PKHD1: variants seen among roughly 807,000 people sequenced by gnomAD.
PKHD1 encodes the protein fibrocystin.
PKHD1 carries 291 observed loss-of-function variants against 412.0 expected under a neutral mutation model. The ratio of observed to expected loss-of-function variants is 0.71; its 90% confidence interval spans 0.64 to 0.78. The LOEUF is 0.78. PKHD1 is among the 30% of genes least tolerant of loss of function. The probability of loss-of-function intolerance (pLI) is 0.00; values close to 1 mark genes in which losing one functional copy is unlikely to be tolerated. For missense variants in PKHD1, 4,825 were observed against 4,950.7 expected (o/e 0.97, Z 0.76); for synonymous variants, 1,777 against 1,821.5 (o/e 0.98, Z 0.62).
At chr6:51,704,658 G>T (rs1446044527) in intron 60 of PKHD1, among the ~76,000 whole-genome samples, 2 of 152,076 alleles carry the variant, frequency 1.3e-5, no homozygotes, top group Non-Finnish European at 2.9e-5. Flanking sequence ...AGTCAAGGGT[G>T]ACTACTAATT....
At chr6:51,823,557 T>A (rs1745283095) in intron 52 of PKHD1, among the ~76,000 whole-genome samples, 1 of 152,110 alleles carries the variant, frequency 6.6e-6, no homozygotes, top group Admixed American at 6.6e-5. Flanking sequence ...GAGTAGACCC[T>A]AAGTGAGTTC....
chr6:51,720,747 GTA>G (rs201140536), intron 60 of PKHD1: 3,386 of 119,306 alleles, frequency 0.028, 111 homozygotes, highest in African/African-American at 0.096. Context: ...GTGTGTGTAT[GTA>G]TATGTGTGTG....
chr6:51,849,806 TG>T (rs1176443491), intron 49 of PKHD1, among the ~76,000 whole-genome samples: 1 of 152,240 alleles, frequency 6.6e-6, no homozygotes, highest in Non-Finnish European at 1.5e-5. Flanking sequence ...TTCTGTCAGA[TG>T]GGTAGATTGC....
chr6:51,827,829 C>T (rs943150215), intron 52 of PKHD1, among the ~76,000 whole-genome samples: 2 of 152,054 alleles, frequency 1.3e-5, no homozygotes, highest in African/African-American at 4.8e-5. Context: ...TAAATATTTG[C>T]TAAACTGAAC....
chr6:51,887,275 G>C, intron 43 of PKHD1, 30 bp from the exon 44 acceptor site: 1 of 1,337,146 alleles, frequency 7.5e-7, no homozygotes, highest in Non-Finnish European at 1.1e-6. Context: ...TTAAAAAATA[G>C]TTACCCCATG....
chr6:51,894,768 T>G (rs1190986825), intron 43 of PKHD1, among the ~76,000 whole-genome samples: 2 of 152,212 alleles, frequency 1.3e-5, no homozygotes, highest in African/African-American at 2.4e-5. Context: ...CAAGTCTAAA[T>G]AAATACATTT....
chr6:51,719,594 C>G (rs1334297728), intron 60 of PKHD1, among the ~76,000 whole-genome samples: 3 of 152,144 alleles, frequency 2.0e-5, no homozygotes, highest in Non-Finnish European at 2.9e-5. Flanking sequence ...TTGAGAAACA[C>G]TGACTTGGAG....
chr6:51,860,787 T>C (rs546969450), intron 48 of PKHD1, among the ~76,000 whole-genome samples: 1 of 152,134 alleles, frequency 6.6e-6, no homozygotes, highest in Admixed American at 6.5e-5. Context: ...TTAATGTTTG[T>C]TCTTTTTTAT....
chr6:51,813,572 G>C (rs1271333522), intron 52 of PKHD1, among the ~76,000 whole-genome samples: 2 of 151,516 alleles, frequency 1.3e-5, no homozygotes, highest in Admixed American at 1.3e-4. Context: ...GTAATATTTT[G>C]TGGCCTTCTG....
At chr6:51,828,225 CT>C (rs1348727860) in intron 52 of PKHD1, among the ~76,000 whole-genome samples, 1 of 151,916 alleles carries the variant, frequency 6.6e-6, no homozygotes, top group Non-Finnish European at 1.5e-5. Flanking sequence ...AGAGTTAGAA[CT>C]CTTGATTTAA....
chr6:51,853,453 A>C (rs764124896), intron 49 of PKHD1, among the ~76,000 whole-genome samples: 2 of 152,066 alleles, frequency 1.3e-5, no homozygotes, highest in African/African-American at 2.4e-5. Flanking sequence ...CATTTCCTGA[A>C]TTTGCATGTT....
At chr6:51,653,908 A>G (rs1771371726) in intron 61 of PKHD1, among the ~76,000 whole-genome samples, 1 of 152,200 alleles carries the variant, frequency 6.6e-6, no homozygotes, top group Non-Finnish European at 1.5e-5. Context: ...ATCTAGGAGA[A>G]TGAAAACTCT....
intron 60 of PKHD1, among the ~76,000 whole-genome samples, chr6:51,711,257 T>G (rs980253279): frequency 2.0e-5 from 3 of 152,200 alleles, no homozygotes; most frequent in Admixed American, 6.5e-5. Flanking sequence ...CCTGTAGGCA[T>G]CCTGAGTTGC....
intron 43 of PKHD1, among the ~76,000 whole-genome samples, chr6:51,894,658 T>A (rs959277659): frequency 1.3e-5 from 2 of 152,130 alleles, no homozygotes. Flanking sequence ...CTACCTACCT[T>A]CCAGGTCAGA....
intron 59 of PKHD1, among the ~76,000 whole-genome samples, chr6:51,745,178 G>T (rs781693807): frequency 9.2e-5 from 14 of 152,000 alleles, no homozygotes; most frequent in Non-Finnish European, 1.3e-4. Flanking sequence ...ACAATGTATT[G>T]AGTATTATCA....
At chr6:52,065,105 ATGTATATGTGTGTGGGTATATGTATAAT>A in intron 12 of PKHD1, 55 bp from the exon 13 acceptor site, 1 of 640,780 alleles carries the variant, frequency 1.6e-6, no homozygotes, top group Non-Finnish European at 2.8e-6. Context: ...ATACATATAT[ATGTATATGTGTGTGGGTATATGTATAAT>A]TATATATATA....
At chr6:51,859,138 C>T (rs1393158402) in intron 48 of PKHD1, among the ~76,000 whole-genome samples, 1 of 152,118 alleles carries the variant, frequency 6.6e-6, no homozygotes, top group South Asian at 2.1e-4. Flanking sequence ...TAACTACAAA[C>T]CAAAAGAAGA....
At chr6:51,971,628 G>A (rs957765580) in intron 35 of PKHD1, among the ~76,000 whole-genome samples, 1 of 152,192 alleles carries the variant, frequency 6.6e-6, no homozygotes, top group Non-Finnish European at 1.5e-5. Context: ...AAAACTTTCT[G>A]ATCCTGAACA....
At chr6:51,774,176 C>G (rs747073594) in intron 54 of PKHD1, among the ~76,000 whole-genome samples, 4 of 151,622 alleles carry the variant, frequency 2.6e-5, no homozygotes, top group Non-Finnish European at 5.9e-5. Flanking sequence ...TTGGTCATTT[C>G]CAATCATCAA....
Sources: gnomAD v4.1 joint callset for allele counts (sites outside exome capture counted in the v4.1 genomes callset) on GRCh38, gnomAD v4.1.1 for gene constraint, MANE v1.5 for transcripts, NCBI Gene and HGNC (gene_info 2026-07-23, HGNC 2026-07-21) for gene names.